The following TMEM120B variants were observed in gnomAD, a reference collection of about 807,000 sequenced individuals.
TMEM120B encodes transmembrane protein 120B.
A neutral mutation model predicts 55.5 loss-of-function variants in TMEM120B; 31 were observed. The ratio of observed to expected loss-of-function variants is 0.56; its 90% CI spans 0.42 to 0.75. TMEM120B has a LOEUF of 0.75. Ranked by LOEUF, TMEM120B falls within the 30% of genes least tolerant of loss-of-function variation. The pLI is 0.00. For missense variants in TMEM120B, 399 were observed against 425.5 expected (o/e 0.94, Z 0.55); for synonymous variants, 203 against 176.3 (o/e 1.15, Z -1.20).
At position 121,771,371 on chromosome 12, in the gene TMEM120B, C is replaced by G. The variant is rs946522243; in HGVS notation, c.618-117C>G. Reference sequence around the variant, plus strand: ...AGGGATAGAAGGGCGGAAGTCTGGACCTCAGTTTGACTTTATACACCTTTT... The same window carrying G: ...AGGGATAGAAGGGCGGAAGTCTGGAGCTCAGTTTGACTTTATACACCTTTT... On this transcript the variant is annotated intron_variant, in intron 7 of 11. Transcript: ENST00000449592. 9.0e-6 allele frequency: 8 copies of G among 891,750 alleles called. No individual in the cohort carries two copies. The African/African-American group carries it at 1.3e-4, about 15-fold the overall frequency. 55.2% of individuals were successfully genotyped at this position (891,750 alleles called of 1,614,324 possible).
intron 1 of TMEM120B, among the ~76,000 whole-genome samples, chr12:121,738,908 C>T (rs913203669): frequency 2.6e-5 from 4 of 152,088 alleles, no homozygotes; most frequent in African/African-American, 4.8e-5. Context: ...TAAGTTCGGC[C>T]GGGCATGGTG....
intron 1 of TMEM120B, 98 bp from the exon 2 acceptor site, chr12:121,743,531 C>G: frequency 1.1e-6 from 1 of 903,208 alleles, no homozygotes; most frequent in African/African-American, 1.7e-5. Context: ...GCACTCCAGC[C>G]TGGGTGACAG....
Position 121,715,601 on chromosome 12 carries a change from G to T in TMEM120B, c.69+2637G>T, listed in dbSNP as rs567083463. ...GATGCCTCCTGCTCGGTTCATGATG[G>T]GGGAACTAGAAGGGACTGCATCCTA... On this transcript the variant is annotated intron_variant, in intron 1 of 11. Transcript: ENST00000449592. Among the ~76,000 whole-genome samples, 3 of 152,226 alleles carry T rather than the reference G, an allele frequency of 2.0e-5. No individual in the cohort carries two copies. In the South Asian group the frequency reaches 6.2e-4, roughly 32 times the overall value.
intron 1 of TMEM120B, among the ~76,000 whole-genome samples, chr12:121,721,670 A>C (rs901761051): frequency 6.7e-6 from 1 of 150,102 alleles, no homozygotes; most frequent in South Asian, 2.1e-4. Flanking sequence ...GGGTTTCACC[A>C]TGTTGGCCAA....
At chr12:121,750,263 C>A in intron 3 of TMEM120B, 117 bp from the exon 4 acceptor site, 1 of 958,566 alleles carries the variant, frequency 1.0e-6, no homozygotes, top group Non-Finnish European at 1.7e-6. Flanking sequence ...TGAGCTTAGG[C>A]CCCCTATCTT....
chr12:121,732,417 CT>C (rs1895018722), intron 1 of TMEM120B, among the ~76,000 whole-genome samples: 1 of 152,098 alleles, frequency 6.6e-6, no homozygotes, highest in Non-Finnish European at 1.5e-5. Flanking sequence ...CCCTTTACCC[CT>C]GAAATGACTC....
At chr12:121,747,291 TGGGGTAGAAGGC>T (rs1393340908) in intron 2 of TMEM120B, among the ~76,000 whole-genome samples, 1 of 99,890 alleles carries the variant, frequency 1.0e-5, no homozygotes, top group African/African-American at 4.4e-5. Context: ...GGCGGGAGGC[TGGGGTAGAAGGC>T]GGGAGGCACT....
chr12:121,736,390 G>A (rs1895115863), intron 1 of TMEM120B, among the ~76,000 whole-genome samples: 1 of 149,004 alleles, frequency 6.7e-6, no homozygotes. Flanking sequence ...GGATTGTCTC[G>A]ATCTCCTGAC....
In TMEM120B at chr12:121,728,362, G is replaced by A. The variant is rs183363617; in HGVS notation, c.70-15267G>A. 4.5e-3 allele frequency among the ~76,000 whole-genome samples: 685 copies of A among 151,944 alleles called. 7 individuals carry two copies. In the East Asian group the frequency reaches 0.058, roughly 13 times the overall value. ...AAATTAGCCGGGCATGGTGGTGGGC[G>A]CCTGTGGTCCCAGCTACTCGGGAGG... On this transcript the variant is annotated intron_variant, in intron 1 of 11. Coordinates refer to ENST00000449592, the MANE Select transcript of TMEM120B (RefSeq NM_001080825.2).
intron 1 of TMEM120B, among the ~76,000 whole-genome samples, chr12:121,716,565 C>T (rs374990738): frequency 2.6e-4 from 33 of 124,744 alleles, no homozygotes; most frequent in Admixed American, 2.8e-4. Flanking sequence ...TTTTTTCTTT[C>T]TTTTTTTTTT....
chr12:121,726,907 CAAAAAAAAAAAA>C (rs71305665), intron 1 of TMEM120B, among the ~76,000 whole-genome samples: 19,789 of 73,534 alleles, frequency 0.27, 1,837 homozygotes, highest in African/African-American at 0.3. Context: ...GACTCTGTCT[CAAAAAAAAAAAA>C]AAAAAAAAAA....
chr12:121,747,303 C>T (rs11043186), intron 2 of TMEM120B, among the ~76,000 whole-genome samples: 13,350 of 15,574 alleles, frequency 0.86, 5,620 homozygotes, highest in East Asian at 0.9. Context: ...GGGTAGAAGG[C>T]GGGAGGCACT....
At chr12:121,772,044 TCTTTCTTTCTTTTTCTTC>T (rs1874073251) in intron 8 of TMEM120B, among the ~76,000 whole-genome samples, 1 of 151,632 alleles carries the variant, frequency 6.6e-6, no homozygotes, top group Non-Finnish European at 1.5e-5. Flanking sequence ...TCTTTCTCTT[TCTTTCTTTCTTTTTCTTC>T]CTTTCTTTTT....
At chr12:121,765,429 C>T (rs1873816791) in intron 6 of TMEM120B, among the ~76,000 whole-genome samples, 1 of 151,950 alleles carries the variant, frequency 6.6e-6, no homozygotes, top group African/African-American at 2.4e-5. Context: ...TGTGCCCAGC[C>T]CCGAGTTTTT....
At chr12:121,745,495 A>G (rs975067202) in intron 2 of TMEM120B, among the ~76,000 whole-genome samples, 13 of 151,398 alleles carry the variant, frequency 8.6e-5, no homozygotes, top group African/African-American at 1.7e-4. Context: ...GGTTCAAGCA[A>G]TTCTTCCTGT....
rs145361325 is a variant in TMEM120B at position 121,745,038 on chromosome 12, G to T, written c.188+1291G>T. Reference sequence around the variant, plus strand: ...GCACTATTGATGGGTCTTTGTGGGGGCCGTGCAGTGCACTGTGGGATAGTG... The same window carrying T: ...GCACTATTGATGGGTCTTTGTGGGGTCCGTGCAGTGCACTGTGGGATAGTG... On this transcript the variant is annotated intron_variant, in intron 2 of 11. Coordinates refer to ENST00000449592, the MANE Select transcript of TMEM120B (RefSeq NM_001080825.2). 1.9e-3 allele frequency among the ~76,000 whole-genome samples: 294 copies of T among 152,280 alleles called. 1 individual carries two copies. In the Middle Eastern group the frequency reaches 0.02, roughly 11 times the overall value.
intron 1 of TMEM120B, among the ~76,000 whole-genome samples, chr12:121,738,012 CAAAAA>C (rs59357934): frequency 1.4e-5 from 1 of 69,390 alleles, no homozygotes. Context: ...CCTGTCTCCA[CAAAAA>C]AAAAAAAAAA....
intron 1 of TMEM120B, among the ~76,000 whole-genome samples, chr12:121,737,460 G>A (rs372862150): frequency 6.6e-6 from 1 of 151,896 alleles, no homozygotes; most frequent in Non-Finnish European, 1.5e-5. Context: ...AGCCGAGATT[G>A]TGCCACTGCA....
intron 1 of TMEM120B, among the ~76,000 whole-genome samples, chr12:121,737,541 A>G (rs1044148009): frequency 2.6e-5 from 4 of 151,500 alleles, no homozygotes; most frequent in African/African-American, 9.7e-5. Context: ...GCTCTGTCCC[A>G]TGAGGTTGCG....
Sources: gnomAD v4.1 joint callset for allele counts (sites outside exome capture counted in the v4.1 genomes callset) on GRCh38, gnomAD v4.1.1 for gene constraint, MANE v1.5 for transcripts, NCBI Gene and HGNC (gene_info 2026-07-23, HGNC 2026-07-21) for gene names.